SETBP1: variants seen among roughly 807,000 people sequenced by gnomAD.
The protein encoded by SETBP1 is SET binding protein 1.
SETBP1 carries 9 observed loss-of-function variants against 101.0 expected under a neutral mutation model. The observed-to-expected ratio is 0.09, with a 90% CI of 0.05 to 0.16. The LOEUF is 0.16. Ranked by LOEUF, SETBP1 falls within the 10% of genes least tolerant of loss-of-function variation. The pLI, the probability that SETBP1 is intolerant of heterozygous loss-of-function variation, is 1.00. For missense variants in SETBP1, 1,858 were observed against 2,033.8 expected (o/e 0.91, Z 1.66); for synonymous variants, 818 against 788.5 (o/e 1.04, Z -0.63).
intron 2 of SETBP1, among the ~76,000 whole-genome samples, chr18:44,711,842 A>G (rs952010268): frequency 1.3e-5 from 2 of 151,636 alleles, no homozygotes; most frequent in African/African-American, 4.8e-5. Context: ...CTGACTACAC[A>G]ACCTCTAGGG....
intron 2 of SETBP1, among the ~76,000 whole-genome samples, chr18:44,717,089 A>T (rs956920021): frequency 2.0e-5 from 3 of 152,142 alleles, no homozygotes; most frequent in African/African-American, 4.8e-5. Flanking sequence ...GCTCCAGGAA[A>T]TTGCCCTGGG....
At chr18:45,032,446 G>T (rs1021442924) in intron 4 of SETBP1, among the ~76,000 whole-genome samples, 1 of 152,108 alleles carries the variant, frequency 6.6e-6, no homozygotes, top group Admixed American at 6.6e-5. Context: ...ATAGTATTCT[G>T]CCCAAGAGTA....
At chr18:44,708,895 C>A (rs1052100476) in intron 2 of SETBP1, among the ~76,000 whole-genome samples, 1 of 152,222 alleles carries the variant, frequency 6.6e-6, no homozygotes, top group Non-Finnish European at 1.5e-5. Flanking sequence ...ACGCTCATTA[C>A]TATAAACAGA....
At chr18:44,893,308 A>G (rs2069814387) in intron 3 of SETBP1, among the ~76,000 whole-genome samples, 1 of 152,184 alleles carries the variant, frequency 6.6e-6, no homozygotes, top group South Asian at 2.1e-4. Context: ...TAATTTTCCT[A>G]CAATAACTCA....
chr18:44,820,229 T>G (rs1200968052), intron 2 of SETBP1, among the ~76,000 whole-genome samples: 2 of 152,252 alleles, frequency 1.3e-5, no homozygotes, highest in Non-Finnish European at 2.9e-5. Context: ...ATCACAGTGC[T>G]GAACCTACAG....
intron 2 of SETBP1, among the ~76,000 whole-genome samples, chr18:44,740,321 A>C (rs2070068171): frequency 6.6e-6 from 1 of 152,156 alleles, no homozygotes; most frequent in African/African-American, 2.4e-5. Flanking sequence ...TGGCCATTAC[A>C]GTGTGCACAC....
At position 44,950,828 on chromosome 18, in the gene SETBP1, G is replaced by C. The variant is rs1339960941; in HGVS notation, c.1488G>C (p.Lys496Asn). Reference protein sequence around the residue: ...AEKVIPGGVSKPRKPPMVMTP... With the variant: ...AEKVIPGGVSNPRKPPMVMTP... ...AAGTTATCCCAGGAGGTGTGTCTAAGCCGCGGAAGCCACCCATGGTCATGA... is the reference window on the plus strand; with the variant it reads ...AAGTTATCCCAGGAGGTGTGTCTAACCCGCGGAAGCCACCCATGGTCATGA... The change falls in exon 4 of 6, where the codon AAG becomes AAC. Residue 496 changes from lysine (K) to asparagine (N), a missense_variant. Around this residue, in one of 12 missense-constraint regions of SETBP1, gnomAD observed 581 missense variants for 535.1 expected, o/e 1.09. Transcript: ENST00000649279. The C allele has an allele frequency of 1.2e-6, 2 of 1,614,124 alleles. No homozygotes were observed. Among genetic ancestry groups the C allele is most frequent in the Non-Finnish European group, 1.7e-6 (2 of 1,180,010 alleles).
chr18:44,839,333 C>A (rs551736841), intron 2 of SETBP1, among the ~76,000 whole-genome samples: 6 of 152,156 alleles, frequency 3.9e-5, no homozygotes, highest in Admixed American at 6.5e-5. Flanking sequence ...TCCGTCACCC[C>A]GGGGGATGGG....
chr18:44,931,291 G>C (rs1163407940), intron 3 of SETBP1, among the ~76,000 whole-genome samples: 2 of 152,182 alleles, frequency 1.3e-5, no homozygotes, highest in Non-Finnish European at 2.9e-5. Context: ...TGATTGCACT[G>C]TGGTCTGAGA....
chr18:44,747,175 A>G (rs1050524826), intron 2 of SETBP1, among the ~76,000 whole-genome samples: 2 of 152,248 alleles, frequency 1.3e-5, no homozygotes, highest in Non-Finnish European at 2.9e-5. Flanking sequence ...CAGGTCTCCA[A>G]GGTCCTGCTT....
At chr18:44,966,332 C>A (rs2071720277) in intron 4 of SETBP1, among the ~76,000 whole-genome samples, 1 of 152,090 alleles carries the variant, frequency 6.6e-6, no homozygotes, top group South Asian at 2.1e-4. Flanking sequence ...CATAGTGAGC[C>A]CCTTACCTGA....
At chr18:45,024,621 A>C (rs1031352362) in intron 4 of SETBP1, among the ~76,000 whole-genome samples, 1 of 152,210 alleles carries the variant, frequency 6.6e-6, no homozygotes, top group Non-Finnish European at 1.5e-5. Context: ...CTTTTATCTT[A>C]ACTCGTCAGT....
At chr18:45,003,174 C>T (rs1409918280) in intron 4 of SETBP1, among the ~76,000 whole-genome samples, 2 of 152,172 alleles carry the variant, frequency 1.3e-5, no homozygotes, top group African/African-American at 2.4e-5. Flanking sequence ...AGAAAACCCT[C>T]ATCCTCTGAG....
intron 3 of SETBP1, among the ~76,000 whole-genome samples, chr18:44,946,174 A>G (rs1223326893): frequency 6.6e-6 from 1 of 152,112 alleles, no homozygotes; most frequent in Non-Finnish European, 1.5e-5. Context: ...TTAAAGCACC[A>G]TTCCCCCCAT....
At chr18:44,926,789 A>C (rs1257493745) in intron 3 of SETBP1, among the ~76,000 whole-genome samples, 2 of 152,070 alleles carry the variant, frequency 1.3e-5, no homozygotes, top group Non-Finnish European at 2.9e-5. Flanking sequence ...ACAACAACAA[A>C]AAGAAATTCT....
At chr18:45,037,095 C>CT (rs1223942873) in intron 4 of SETBP1, among the ~76,000 whole-genome samples, 4 of 152,176 alleles carry the variant, frequency 2.6e-5, no homozygotes, top group Non-Finnish European at 5.9e-5. Context: ...TGGGAGGGGA[C>CT]TGGATCAGTC....
chr18:45,047,113 A>G (rs1025132727), intron 5 of SETBP1, among the ~76,000 whole-genome samples: 2 of 152,292 alleles, frequency 1.3e-5, no homozygotes, highest in Middle Eastern at 6.8e-3. Context: ...TAGAGTAATG[A>G]TAATAACACG....
chr18:44,714,647 C>T (rs982124099), intron 2 of SETBP1, among the ~76,000 whole-genome samples: 1 of 151,430 alleles, frequency 6.6e-6, no homozygotes, highest in Non-Finnish European at 1.5e-5. Flanking sequence ...TGAGCGCTCT[C>T]CTATCCAGAT....
chr18:44,845,727 C>A (rs959894437), intron 2 of SETBP1, among the ~76,000 whole-genome samples: 1 of 152,182 alleles, frequency 6.6e-6, no homozygotes, highest in Non-Finnish European at 1.5e-5. Flanking sequence ...AAGGCCGGGC[C>A]CCTAACTGCT....
Sources: gnomAD v4.1 joint callset for allele counts (sites outside exome capture counted in the v4.1 genomes callset) on GRCh38, gnomAD v4.1.1 for gene constraint, gnomAD v4.1.1 regional missense constraint, MANE v1.5 for transcripts, NCBI Gene and HGNC (gene_info 2026-07-23, HGNC 2026-07-21) for gene names.